CPO: variants seen among roughly 807,000 people sequenced by gnomAD.
CPO encodes metallocarboxypeptidase C.
In CPO, 43 loss-of-function variants were observed where a neutral mutation model predicts 41.2. The observed-to-expected ratio is 1.04, with a 90% CI of 0.82 to 1.35. CPO has a LOEUF of 1.35. Ranked by LOEUF, CPO falls within the 40% of genes most tolerant of loss-of-function variation. The pLI is 0.00. For missense variants in CPO, 408 were observed against 451.7 expected, an observed-to-expected ratio of 0.90 and a Z score of 0.88; for synonymous variants, 178 against 162.7, an observed-to-expected ratio of 1.09 and a Z score of -0.72.
chr2:206,966,351 T>TA (rs767968908), intron 7 of CPO, among the ~76,000 whole-genome samples: 315 of 147,892 alleles, frequency 2.1e-3, no homozygotes, highest in Middle Eastern at 3.5e-3. Flanking sequence ...GAGTTCCATT[T>TA]AAAAAAAAAA....
chr2:206,945,251 T>C (rs1026490885), intron 1 of CPO, among the ~76,000 whole-genome samples: 32 of 152,182 alleles, frequency 2.1e-4, no homozygotes, highest in African/African-American at 7.2e-4. Context: ...GTCATAGAAA[T>C]GTTAGCTAAT....
Position 206,962,598 on chromosome 2 carries a change from G to A in CPO, c.761G>A (p.Ser254Asn), listed in dbSNP as rs756313840. 17 of 1,613,998 alleles carry A rather than the reference G, an allele frequency of 1.1e-5. No homozygotes were observed. The highest frequency in any genetic ancestry group is 1.4e-5 in the Non-Finnish European group (17 of 1,179,924). ...TPYGYTKNKS[S>N]NHPEMIQVGQ... Reference sequence around the variant, plus strand: ...TACGGCTACACCAAAAATAAATCAAGTAACCACCCAGAAATGGTGAGTCCA... The same window carrying A: ...TACGGCTACACCAAAAATAAATCAAATAACCACCCAGAAATGGTGAGTCCA... The change falls in exon 7 of 9, where the codon AGT becomes AAT. Residue 254 changes from serine to asparagine, a missense_variant. Physicochemically the swap from Ser to Asn is conservative, Grantham distance 46. Transcript: ENST00000272852.
At chr2:206,967,456 G>C (rs1693603422) in intron 7 of CPO, among the ~76,000 whole-genome samples, 1 of 151,964 alleles carries the variant, frequency 6.6e-6, no homozygotes, top group South Asian at 2.1e-4. Flanking sequence ...CAGCTATGGG[G>C]ATTCAAAGTG....
intron 1 of CPO, among the ~76,000 whole-genome samples, chr2:206,945,684 G>C (rs1693129483): frequency 6.6e-6 from 1 of 152,296 alleles, no homozygotes. Context: ...ATCTGGCAAA[G>C]AGGAGGCACT....
intron 1 of CPO, among the ~76,000 whole-genome samples, chr2:206,947,292 G>C (rs1054194655): frequency 1.3e-5 from 2 of 152,120 alleles, no homozygotes; most frequent in African/African-American, 4.8e-5. Flanking sequence ...AAAGATCTTT[G>C]ACAAAGGAAC....
At chr2:206,946,102 A>T (rs529664974) in intron 1 of CPO, among the ~76,000 whole-genome samples, 17 of 152,276 alleles carry the variant, frequency 1.1e-4, no homozygotes, top group South Asian at 8.3e-4. Context: ...TTCCAGAAAT[A>T]GAAGCAGAGA....
chr2:206,946,217 T>C (rs780238351), intron 1 of CPO, among the ~76,000 whole-genome samples: 43 of 151,954 alleles, frequency 2.8e-4, no homozygotes, highest in Non-Finnish European at 5.6e-4. Flanking sequence ...TGAACACAGA[T>C]AGAAAAATCT....
chr2:206,940,466 G>A lies in CPO; in HGVS notation c.68+799G>A, dbSNP rs575635882. Among the ~76,000 whole-genome samples, 3 of 152,058 alleles carry A rather than the reference G, an allele frequency of 2.0e-5. No homozygotes were observed. In the South Asian group the frequency reaches 6.2e-4, roughly 32 times the overall value. On this transcript the variant is annotated intron_variant, in intron 1 of 8. Coordinates refer to ENST00000272852, the MANE Select transcript of CPO (RefSeq NM_173077.3). ...AATTGACAAGTAAAAAATACACATT[G>A]TTGACTTCCTTTGTATTTTGTTGAT...
intron 2 of CPO, among the ~76,000 whole-genome samples, chr2:206,955,260 G>A (rs1245266867): frequency 6.6e-6 from 1 of 152,220 alleles, no homozygotes; most frequent in Non-Finnish European, 1.5e-5. Flanking sequence ...TGCAGTGGTA[G>A]AACCTAAGAC....
At chr2:206,940,346 A>T (rs1693006019) in intron 1 of CPO, among the ~76,000 whole-genome samples, 1 of 152,052 alleles carries the variant, frequency 6.6e-6, no homozygotes, top group African/African-American at 2.4e-5. Flanking sequence ...AAATGTAAGG[A>T]TCTTGCTACA....
rs753002825 is a variant in CPO at position 206,969,131 on chromosome 2, C to T, written c.863-43C>T. The T allele has an allele frequency of 6.3e-6, 10 of 1,597,752 alleles. No homozygotes were observed. In the Admixed American group the frequency reaches 1.0e-4, roughly 16 times the overall value. ...AAATGGCTATAGAAATCCATTCTTC[C>T]AAAGTATGACTTCTACCTCTGCCTT... is the stretch of plus-strand genomic sequence containing the variant. On this transcript the variant is annotated intron_variant, in intron 8 of 8. Coordinates refer to ENST00000272852, the MANE Select transcript of CPO (RefSeq NM_173077.3).
At chr2:206,944,467 A>G (rs941122328) in intron 1 of CPO, among the ~76,000 whole-genome samples, 33 of 152,042 alleles carry the variant, frequency 2.2e-4, no homozygotes, top group Admixed American at 4.6e-4. Flanking sequence ...AATGGTAAAT[A>G]TTATAAATAG....
At chr2:206,949,819 G>T (rs955821985) in intron 2 of CPO, 106 bp downstream of exon 2, 1 of 657,084 alleles carries the variant, frequency 1.5e-6, no homozygotes, top group Non-Finnish European at 2.7e-6. Flanking sequence ...GGCTGAAAAT[G>T]TGGTGTTAAG....
rs765150576 is a variant in CPO at position 206,969,377 on chromosome 2, A to C, written c.1066A>C (p.Arg356=). The change falls in exon 9 of 9, where the codon AGG becomes CGG. Residue 356 remains arginine, a synonymous_variant. Coordinates refer to ENST00000272852, the MANE Select transcript of CPO (RefSeq NM_173077.3). ...AKHWHSDSAG[R]VTSATMLLGL... Reference sequence around the variant, plus strand: ...ACACTGGCACTCGGACAGTGCTGGAAGGGTGACATCTGCCACTATGCTGCT... The same window carrying C: ...ACACTGGCACTCGGACAGTGCTGGACGGGTGACATCTGCCACTATGCTGCT... 2.9e-5 allele frequency: 47 copies of C among 1,613,934 alleles called. No homozygotes were observed. Among genetic ancestry groups the C allele is most frequent in the Non-Finnish European group, 3.9e-5 (46 of 1,179,994 alleles).
chr2:206,953,495 G>A (rs1693303640), intron 2 of CPO, among the ~76,000 whole-genome samples: 1 of 152,262 alleles, frequency 6.6e-6, no homozygotes, highest in African/African-American at 2.4e-5. Context: ...TCATGCTGAT[G>A]CAAGAGGTGG....
chr2:206,947,408 G>A (rs981625094), intron 1 of CPO, among the ~76,000 whole-genome samples: 4 of 152,116 alleles, frequency 2.6e-5, no homozygotes, highest in Non-Finnish European at 4.4e-5. Context: ...AATTCAAAAT[G>A]TATCATAGAC....
chr2:206,940,941 T>A (rs550144032), intron 1 of CPO, among the ~76,000 whole-genome samples: 1 of 152,278 alleles, frequency 6.6e-6, no homozygotes, highest in Non-Finnish European at 1.5e-5. Flanking sequence ...CTTTCTCATT[T>A]TTCCATTAGT....
intron 1 of CPO, among the ~76,000 whole-genome samples, chr2:206,944,766 G>A (rs1392224678): frequency 6.6e-6 from 1 of 151,908 alleles, no homozygotes; most frequent in Non-Finnish European, 1.5e-5. Flanking sequence ...TAAGTTTAAA[G>A]TAGTGGAATT....
chr2:206,961,998 G>A (rs529095788), intron 6 of CPO, among the ~76,000 whole-genome samples: 24 of 151,578 alleles, frequency 1.6e-4, no homozygotes, highest in Non-Finnish European at 2.7e-4. Context: ...TACTGGGGAG[G>A]CTGAGGCAGG....
Sources: gnomAD v4.1 joint callset for allele counts (sites outside exome capture counted in the v4.1 genomes callset) on GRCh38, gnomAD v4.1.1 for gene constraint, MANE v1.5 for transcripts, NCBI Gene and HGNC (gene_info 2026-07-23, HGNC 2026-07-21) for gene names.